ELP4: variants seen among roughly 807,000 people sequenced by gnomAD.
ELP4 encodes the protein elongator complex protein 4.
A neutral mutation model predicts 48.9 loss-of-function variants in ELP4; 51 were observed. The observed-to-expected ratio is 1.04, with a 90% CI of 0.83 to 1.32. ELP4 has a LOEUF of 1.32. ELP4 is among the 40% of genes most tolerant of loss of function. The pLI, the probability that ELP4 is intolerant of heterozygous loss-of-function variation, is 0.00. For missense variants in ELP4, 519 were observed against 514.6 expected (o/e 1.01, Z -0.08); for synonymous variants, 210 against 189.2 (o/e 1.11, Z -0.90).
rs1948666759 is a variant in ELP4 at position 31,786,782 on chromosome 11, A to G, written c.*3258A>G. The G allele has an allele frequency of 1.4e-5, 3 of 221,274 alleles. No individual in the cohort carries two copies. Among genetic ancestry groups the G allele is most frequent in the Non-Finnish European group, 2.7e-5 (3 of 110,410 alleles). 13.7% of individuals were successfully genotyped at this position (221,274 alleles called of 1,614,324 possible). A position where few individuals can be genotyped will look rare whatever the true frequency, so the allele number is the denominator to read the frequency against. ...GCTTTGGGGGAAAAATATTCTAGAA[A>G]TTCATTGCAGTAAAATGCATTTTTT... On this transcript the variant is annotated 3_prime_UTR_variant, in exon 10 of 10. Transcript: ENST00000640961.
intron 3 of ELP4, among the ~76,000 whole-genome samples, chr11:31,563,150 T>C (rs1027751973): frequency 6.6e-6 from 1 of 152,130 alleles, no homozygotes; most frequent in Non-Finnish European, 1.5e-5. Flanking sequence ...GATCAAAAGA[T>C]TTTATTTTTA....
chr11:31,657,962 A>G (rs1945474077), intron 9 of ELP4, among the ~76,000 whole-genome samples: 3 of 152,052 alleles, frequency 2.0e-5, no homozygotes, highest in African/African-American at 7.2e-5. Flanking sequence ...TAACATTATT[A>G]TCTTCATTTT....
intron 9 of ELP4, among the ~76,000 whole-genome samples, chr11:31,779,517 G>A (rs767342868): frequency 1.3e-5 from 2 of 152,172 alleles, no homozygotes; most frequent in Admixed American, 6.5e-5. Flanking sequence ...ACAAAGAGAC[G>A]GAGAGGCAAG....
chr11:31,603,912 G>A lies in ELP4; in HGVS notation c.653+5G>A, dbSNP rs1303061589. 6.2e-7 allele frequency: 1 copy of A among 1,604,426 alleles called. No homozygotes were observed. Among genetic ancestry groups the A allele is most frequent in the Non-Finnish European group, 8.5e-7 (1 of 1,175,116 alleles). ...AACTCTCAAAGTAGAACCCTGGTAA[G>A]TTAATGACCCATTTAATAACAAAAT... On this transcript the variant is annotated splice_donor_5th_base_variant and intron_variant, in intron 5 of 9. Transcript: ENST00000640961.
rs373573669 is a variant in ELP4 at position 31,591,393 on chromosome 11, G to C, written c.382-3377G>C. ...TGCACTCCAGCCTGGGTGACAGAGC[G>C]AGACTCCATCTCAAAAAAAAAAAAA... On this transcript the variant is annotated intron_variant, in intron 3 of 9. Coordinates refer to ENST00000640961, the MANE Select transcript of ELP4 (RefSeq NM_019040.5). Among the ~76,000 whole-genome samples, 81 of 99,066 alleles carry C rather than the reference G, an allele frequency of 8.2e-4. 1 individual carries two copies. The East Asian group carries it at 0.024, about 29-fold the overall frequency. 65.0% of individuals were successfully genotyped at this position (99,066 alleles called of 152,430 possible).
rs59662761 is a variant in ELP4 at position 31,557,369 on chromosome 11, G to C, written c.381+17586G>C. Among the ~76,000 whole-genome samples the C allele has an allele frequency of 7.9e-5, 12 of 152,034 alleles. No individual in the cohort carries two copies. The South Asian group carries it at 1.9e-3, about 24-fold the overall frequency. On this transcript the variant is annotated intron_variant, in intron 3 of 9. Transcript: ENST00000640961. Reference sequence around the variant, plus strand: ...AGTATCAAAGATATTAGTTGATGTAGAATTAGCTAAAGCAATATTATTTGC... The same window carrying C: ...AGTATCAAAGATATTAGTTGATGTACAATTAGCTAAAGCAATATTATTTGC...
chr11:31,575,202 C>A (rs1957253861), intron 3 of ELP4, among the ~76,000 whole-genome samples: 2 of 152,018 alleles, frequency 1.3e-5, no homozygotes, highest in African/African-American at 4.8e-5. Flanking sequence ...GATTGAAGAG[C>A]AAATGAATGA....
chr11:31,579,501 C>T (rs1307698377), intron 3 of ELP4, among the ~76,000 whole-genome samples: 1 of 152,154 alleles, frequency 6.6e-6, no homozygotes, highest in Admixed American at 6.6e-5. Flanking sequence ...TTTATTGCGG[C>T]ACTTTTCGCA....
intron 3 of ELP4, among the ~76,000 whole-genome samples, chr11:31,590,664 G>C (rs1957552626): frequency 6.6e-6 from 1 of 152,186 alleles, no homozygotes; most frequent in South Asian, 2.1e-4. Context: ...AGAAAGCATA[G>C]TGGCTTATGC....
intron 9 of ELP4, chr11:31,652,383 T>G (rs1378804960): frequency 6.6e-6 from 1 of 151,658 alleles, no homozygotes; most frequent in East Asian, 1.9e-4. Context: ...AATCATGTGG[T>G]TCACCTAAAA....
chr11:31,620,807 C>T (rs540661229), intron 5 of ELP4, among the ~76,000 whole-genome samples: 2 of 152,056 alleles, frequency 1.3e-5, no homozygotes, highest in Non-Finnish European at 2.9e-5. Flanking sequence ...GTAATTTGTG[C>T]ATCCTCATAG....
chr11:31,555,287 A>C (rs77757279), intron 3 of ELP4, among the ~76,000 whole-genome samples: 111 of 152,174 alleles, frequency 7.3e-4, no homozygotes, highest in African/African-American at 2.6e-3. Context: ...AAGTTATTCT[A>C]GTTCTTGCTT....
intron 1 of ELP4, among the ~76,000 whole-genome samples, chr11:31,513,001 G>A (rs969610275): frequency 7.9e-5 from 12 of 151,948 alleles, no homozygotes; most frequent in Admixed American, 1.3e-4. Flanking sequence ...GTAAATAATA[G>A]TCTAGGAAGA....
At chr11:31,530,425 A>T (rs951444810) in intron 2 of ELP4, among the ~76,000 whole-genome samples, 6 of 152,192 alleles carry the variant, frequency 3.9e-5, no homozygotes, top group African/African-American at 1.4e-4. Flanking sequence ...AAAGTTATAA[A>T]AACTGGGAAA....
intron 9 of ELP4, among the ~76,000 whole-genome samples, chr11:31,720,118 T>A (rs1373904888): frequency 6.6e-6 from 1 of 151,950 alleles, no homozygotes; most frequent in East Asian, 1.9e-4. Flanking sequence ...AGGGAAGAGT[T>A]AGGCACAGAT....
chr11:31,681,787 G>C (rs141543586), intron 9 of ELP4: 3,057 of 159,220 alleles, frequency 0.019, 99 homozygotes, highest in African/African-American at 0.07. Context: ...TGTTGCCCAG[G>C]CTGGAGTGCA....
intron 9 of ELP4, among the ~76,000 whole-genome samples, chr11:31,700,210 A>C (rs1946492588): frequency 6.6e-6 from 1 of 151,640 alleles, no homozygotes; most frequent in African/African-American, 2.4e-5. Flanking sequence ...TGCTTAGGGG[A>C]GTGTATCTAT....
chr11:31,705,247 G>A (rs1946606034), intron 9 of ELP4, among the ~76,000 whole-genome samples: 1 of 152,098 alleles, frequency 6.6e-6, no homozygotes, highest in African/African-American at 2.4e-5. Context: ...AACACCACAT[G>A]GTGAGAGGGC....
intron 2 of ELP4, among the ~76,000 whole-genome samples, chr11:31,525,918 G>T (rs939434740): frequency 4.6e-5 from 7 of 151,852 alleles, no homozygotes; most frequent in Non-Finnish European, 2.9e-5. Context: ...ATAATACTCC[G>T]TATTTTTCTC....
Sources: gnomAD v4.1 joint callset for allele counts (sites outside exome capture counted in the v4.1 genomes callset) on GRCh38, gnomAD v4.1.1 for gene constraint, MANE v1.5 for transcripts, NCBI Gene and HGNC (gene_info 2026-07-23, HGNC 2026-07-21) for gene names.